Variants in DPF3 observed in about 807,000 individuals in gnomAD.
DPF3 encodes the protein zinc finger protein DPF3.
DPF3 carries 18 observed loss-of-function variants against 56.8 expected under a neutral mutation model. That is an observed-to-expected ratio of 0.32 (90% confidence interval 0.22 to 0.47). The LOEUF is 0.47. Among genes scored for constraint, DPF3 ranks in the 20% least tolerant of loss-of-function variants. DPF3 has a pLI of 1.00. For synonymous variants in DPF3, 188 were observed against 180.2 expected, an observed-to-expected ratio of 1.04 and a Z score of -0.35; for missense variants, 403 against 488.8, an observed-to-expected ratio of 0.82 and a Z score of 1.65.
At chr14:72,751,812 T>C (rs980678835) in intron 3 of DPF3, among the ~76,000 whole-genome samples, 1 of 152,204 alleles carries the variant, frequency 6.6e-6, no homozygotes, top group African/African-American at 2.4e-5. Flanking sequence ...ACACATGGCT[T>C]GCATTATATT....
At chr14:72,631,134 G>T (rs1481825770) in intron 8 of DPF3, among the ~76,000 whole-genome samples, 4 of 152,168 alleles carry the variant, frequency 2.6e-5, no homozygotes, top group African/African-American at 9.7e-5. Flanking sequence ...TCTTGGAGAG[G>T]GCGAGGGGTG....
chr14:72,793,688 G>C (rs1892530358), intron 1 of DPF3, among the ~76,000 whole-genome samples: 2 of 152,232 alleles, frequency 1.3e-5, no homozygotes, highest in Admixed American at 1.3e-4. Flanking sequence ...CCAGGGGAGA[G>C]AGAGACATTG....
chr14:72,631,634 T>C (rs1171925703), intron 8 of DPF3, among the ~76,000 whole-genome samples: 1 of 152,188 alleles, frequency 6.6e-6, no homozygotes, highest in East Asian at 1.9e-4. Flanking sequence ...CAGCTTAGGA[T>C]AACTATTCAT....
chr14:72,703,823 TC>T (rs1888289646), intron 6 of DPF3, among the ~76,000 whole-genome samples: 1 of 152,212 alleles, frequency 6.6e-6, no homozygotes. Context: ...TTTTGATCAT[TC>T]ATTTAACTTG....
chr14:72,771,180 T>A (rs560602001), intron 2 of DPF3, among the ~76,000 whole-genome samples: 3,362 of 148,050 alleles, frequency 0.023, 126 homozygotes, highest in African/African-American at 0.078. Flanking sequence ...AAAAAAAAAA[T>A]AACAATAATA....
intron 3 of DPF3, among the ~76,000 whole-genome samples, chr14:72,740,818 T>C (rs555836507): frequency 1.5e-4 from 23 of 152,258 alleles, no homozygotes; most frequent in African/African-American, 5.5e-4. Flanking sequence ...TTCTGGGACA[T>C]AGGAGTGAGG....
intron 2 of DPF3, among the ~76,000 whole-genome samples, chr14:72,761,754 A>G: frequency 6.6e-6 from 1 of 151,922 alleles, no homozygotes; most frequent in Non-Finnish European, 1.5e-5. Context: ...TCAGAGCAGA[A>G]AAAACAATTC....
At chr14:72,691,108 T>C (rs1887662337) in intron 7 of DPF3, among the ~76,000 whole-genome samples, 2 of 152,132 alleles carry the variant, frequency 1.3e-5, no homozygotes, top group Admixed American at 6.5e-5. Flanking sequence ...CCTCAGGCCC[T>C]GGCAAGGAGA....
In DPF3 at chr14:72,786,335, C is replaced by G. The variant is rs77595736; in HGVS notation, c.33-14442G>C. Among the ~76,000 whole-genome samples the G allele has an allele frequency of 4.8e-3, 735 of 152,278 alleles. 7 individuals are homozygous for G. Among genetic ancestry groups the G allele is most frequent in the African/African-American group, 0.016 (673 of 41,570 alleles). On this transcript the variant is annotated intron_variant, in intron 1 of 10. Transcript: ENST00000556509. ...GTCCTCGGGACATACCGAGGCAGAG[C>G]TGGGATCAGATCCTCAGTCCAGACT...
intron 2 of DPF3, among the ~76,000 whole-genome samples, chr14:72,753,956 A>G (rs962236877): frequency 1.3e-5 from 2 of 151,930 alleles, no homozygotes; most frequent in African/African-American, 4.8e-5. Flanking sequence ...ACCAGGCCAC[A>G]TGACCTGCAG....
intron 8 of DPF3, among the ~76,000 whole-genome samples, chr14:72,638,895 C>T (rs765240063): frequency 2.7e-5 from 4 of 150,722 alleles, no homozygotes; most frequent in South Asian, 2.1e-4. Context: ...TGGCTCACTG[C>T]GAGCTCTGCC....
chr14:72,882,138 G>A (rs1373086636), intron 1 of DPF3, among the ~76,000 whole-genome samples: 1 of 152,086 alleles, frequency 6.6e-6, no homozygotes, highest in African/African-American at 2.4e-5. Flanking sequence ...GTTTATCTGA[G>A]GGACCAGGGA....
At chr14:72,838,906 T>TATA (rs375598670) in intron 1 of DPF3, among the ~76,000 whole-genome samples, 2,690 of 87,532 alleles carry the variant, frequency 0.031, 170 homozygotes, top group Non-Finnish European at 0.042. Context: ...ATCATATATA[T>TATA]TCTTTTTTTT....
At chr14:72,717,448 C>T (rs1888978994) in intron 5 of DPF3, among the ~76,000 whole-genome samples, 2 of 152,322 alleles carry the variant, frequency 1.3e-5, no homozygotes, top group Non-Finnish European at 2.9e-5. Context: ...TTCCCCCCTC[C>T]TTGCCTAGGC....
At chr14:72,674,990 A>G (rs1219414930) in intron 7 of DPF3, among the ~76,000 whole-genome samples, 1 of 152,220 alleles carries the variant, frequency 6.6e-6, no homozygotes, top group Non-Finnish European at 1.5e-5. Flanking sequence ...GATCATGGAA[A>G]GTGCCCAAGA....
Position 72,615,194 on chromosome 14 carries a change from G to T in DPF3, c.*4103C>A, listed in dbSNP as rs1004986576. On this transcript the variant is annotated 3_prime_UTR_variant, in exon 11 of 11. Coordinates refer to ENST00000556509, the MANE Select transcript of DPF3 (RefSeq NM_001280542.3). Reference sequence around the variant, plus strand: ...GACAGGCTAAAAACCAGCCTGGGGGGCAGGGATGTGGTCCTCAGGGCCCGC... The same window carrying T: ...GACAGGCTAAAAACCAGCCTGGGGGTCAGGGATGTGGTCCTCAGGGCCCGC... 7.9e-5 allele frequency among the ~76,000 whole-genome samples: 12 copies of T among 152,258 alleles called. No homozygotes were observed. Among genetic ancestry groups the T allele is most frequent in the Admixed American group, 5.9e-4 (9 of 15,308 alleles).
intron 1 of DPF3, among the ~76,000 whole-genome samples, chr14:72,811,545 A>T (rs2140018429): frequency 6.6e-6 from 1 of 152,292 alleles, no homozygotes; most frequent in East Asian, 1.9e-4. Flanking sequence ...AGTCTGTGGC[A>T]CTTACAGCCA....
intron 1 of DPF3, among the ~76,000 whole-genome samples, chr14:72,777,345 C>T (rs1205902879): frequency 6.6e-6 from 1 of 152,218 alleles, no homozygotes; most frequent in Non-Finnish European, 1.5e-5. Flanking sequence ...AACTGGCACA[C>T]AGGGGGCAAT....
intron 5 of DPF3, among the ~76,000 whole-genome samples, chr14:72,723,275 C>G (rs1225376753): frequency 1.3e-5 from 2 of 151,730 alleles, no homozygotes; most frequent in African/African-American, 4.8e-5. Flanking sequence ...CTCTGTCATT[C>G]TGGCACAGCA....
Sources: gnomAD v4.1 joint callset for allele counts (sites outside exome capture counted in the v4.1 genomes callset) on GRCh38, gnomAD v4.1.1 for gene constraint, MANE v1.5 for transcripts, NCBI Gene and HGNC (gene_info 2026-07-23, HGNC 2026-07-21) for gene names.